The following SYNDIG1 variants were observed in gnomAD, a reference collection of about 807,000 sequenced individuals.
The protein encoded by SYNDIG1 is synapse differentiation-inducing gene protein 1.
SYNDIG1 carries 9 observed loss-of-function variants against 19.4 expected under a neutral mutation model. The ratio of observed to expected loss-of-function variants is 0.46; its 90% CI spans 0.28 to 0.81. The LOEUF is 0.81. Among genes scored for constraint, SYNDIG1 ranks in the 30% least tolerant of loss-of-function variants. SYNDIG1 has a pLI of 0.12. For missense variants in SYNDIG1, 311 were observed against 343.3 expected (o/e 0.91, Z 0.74); for synonymous variants, 141 against 145.9 (o/e 0.97, Z 0.24).
chr20:24,612,217 C>G (rs527523708), intron 3 of SYNDIG1, among the ~76,000 whole-genome samples: 1 of 152,340 alleles, frequency 6.6e-6, no homozygotes, highest in African/African-American at 2.4e-5. Context: ...CCTCCCAAGA[C>G]TTTTCTTTTC....
intron 1 of SYNDIG1, among the ~76,000 whole-genome samples, chr20:24,500,494 CTTTCT>C (rs2056417705): frequency 7.5e-6 from 1 of 133,294 alleles, no homozygotes; most frequent in Non-Finnish European, 1.6e-5. Flanking sequence ...TTCTTTCTTT[CTTTCT>C]TTCTTTCTTT....
intron 1 of SYNDIG1, among the ~76,000 whole-genome samples, chr20:24,530,419 G>T (rs531092918): frequency 6.6e-6 from 1 of 152,320 alleles, no homozygotes; most frequent in East Asian, 1.9e-4. Flanking sequence ...CCATTTAAAT[G>T]CTAAATAGTA....
At chr20:24,623,503 T>C (rs2059070844) in intron 3 of SYNDIG1, among the ~76,000 whole-genome samples, 1 of 152,326 alleles carries the variant, frequency 6.6e-6, no homozygotes, top group East Asian at 1.9e-4. Flanking sequence ...AAATAAAATA[T>C]TTTGTTTTTC....
At chr20:24,614,975 C>A (rs1265809663) in intron 3 of SYNDIG1, among the ~76,000 whole-genome samples, 2 of 152,222 alleles carry the variant, frequency 1.3e-5, no homozygotes, top group Non-Finnish European at 2.9e-5. Context: ...TCAAGCAATT[C>A]TGTTACCTTG....
At chr20:24,507,375 G>A (rs1023392352) in intron 1 of SYNDIG1, among the ~76,000 whole-genome samples, 4 of 152,330 alleles carry the variant, frequency 2.6e-5, no homozygotes, top group South Asian at 4.1e-4. Context: ...ATATTCTCAC[G>A]TGGTTCCTGA....
At chr20:24,502,957 C>T (rs897709889) in intron 1 of SYNDIG1, among the ~76,000 whole-genome samples, 5 of 152,162 alleles carry the variant, frequency 3.3e-5, no homozygotes, top group Admixed American at 6.5e-5. Flanking sequence ...TAAGTAGATA[C>T]GAACTTTGGC....
Position 24,543,387 on chromosome 20 carries a change from G to A in SYNDIG1, c.290G>A (p.Gly97Asp). 2 of 1,613,674 alleles carry A rather than the reference G, an allele frequency of 1.2e-6. No homozygotes were observed. The highest frequency in any genetic ancestry group is 1.7e-6 in the Non-Finnish European group (2 of 1,180,034). Residue 97 changes from glycine (G) to aspartate (D), a missense_variant, in exon 2 of 4, where the codon GGC becomes GAC. Gly to Asp is a moderately conservative substitution (Grantham distance 94, BLOSUM62 -1). Coordinates refer to ENST00000376862, the MANE Select transcript of SYNDIG1 (RefSeq NM_024893.3). ...YRPNIILYSE[G>D]VLRSWGDGVA... ...CCCAACATCATCCTCTATTCAGAGG[G>A]CGTGCTGCGCTCCTGGGGGGACGGT...
At chr20:24,595,016 A>G (rs1055360658) in intron 3 of SYNDIG1, among the ~76,000 whole-genome samples, 4 of 151,992 alleles carry the variant, frequency 2.6e-5, no homozygotes, top group Admixed American at 1.3e-4. Context: ...CTTTCTCTTG[A>G]CTGATTGTTC....
intron 3 of SYNDIG1, among the ~76,000 whole-genome samples, chr20:24,632,633 A>T (rs939059699): frequency 6.6e-6 from 1 of 152,246 alleles, no homozygotes; most frequent in Admixed American, 6.5e-5. Flanking sequence ...TCCCAGGACC[A>T]TAGGGGTCCC....
At chr20:24,516,961 A>G (rs1025454815) in intron 1 of SYNDIG1, among the ~76,000 whole-genome samples, 2 of 152,198 alleles carry the variant, frequency 1.3e-5, no homozygotes, top group African/African-American at 4.8e-5. Context: ...CTAGGGAATG[A>G]TATGCAGCCA....
intron 2 of SYNDIG1, among the ~76,000 whole-genome samples, chr20:24,583,273 C>T (rs889877327): frequency 6.6e-6 from 1 of 152,214 alleles, no homozygotes; most frequent in African/African-American, 2.4e-5. Flanking sequence ...AAGTGCTGCA[C>T]TCACGGGGTG....
chr20:24,621,667 A>G (rs1370276328), intron 3 of SYNDIG1, among the ~76,000 whole-genome samples: 1 of 152,098 alleles, frequency 6.6e-6, no homozygotes, highest in Non-Finnish European at 1.5e-5. Context: ...CCCCAGGCCA[A>G]CTATGCACTC....
intron 3 of SYNDIG1, among the ~76,000 whole-genome samples, chr20:24,650,369 A>G (rs2059458268): frequency 6.6e-6 from 1 of 152,260 alleles, no homozygotes; most frequent in Non-Finnish European, 1.5e-5. Context: ...TGGCCCATCC[A>G]GTTTGTGCTG....
At chr20:24,529,083 C>T (rs778060799) in intron 1 of SYNDIG1, among the ~76,000 whole-genome samples, 5 of 152,144 alleles carry the variant, frequency 3.3e-5, no homozygotes, top group African/African-American at 4.8e-5. Context: ...GGTGAGAATG[C>T]GTTCAAGGCT....
At chr20:24,608,722 A>G (rs1171259305) in intron 3 of SYNDIG1, among the ~76,000 whole-genome samples, 1 of 152,222 alleles carries the variant, frequency 6.6e-6, no homozygotes, top group Non-Finnish European at 1.5e-5. Context: ...CAAATAAGGC[A>G]ACAAGTACCT....
chr20:24,570,881 G>A (rs528044461), intron 2 of SYNDIG1, among the ~76,000 whole-genome samples: 8 of 152,216 alleles, frequency 5.3e-5, no homozygotes, highest in Non-Finnish European at 1.2e-4. Context: ...AAAAGCAAAT[G>A]CTCTTCATTT....
At chr20:24,501,786 A>G (rs1487180123) in intron 1 of SYNDIG1, among the ~76,000 whole-genome samples, 1 of 152,236 alleles carries the variant, frequency 6.6e-6, no homozygotes, top group East Asian at 1.9e-4. Flanking sequence ...AGAAGCACCC[A>G]CTTGTGGTGT....
intron 1 of SYNDIG1, among the ~76,000 whole-genome samples, chr20:24,488,572 C>A (rs990856952): frequency 2.0e-5 from 3 of 152,262 alleles, no homozygotes; most frequent in East Asian, 1.9e-4. Flanking sequence ...GGACAGAATT[C>A]TTTTGTCCTG....
At chr20:24,565,191 G>A (rs1325129293) in intron 2 of SYNDIG1, among the ~76,000 whole-genome samples, 1 of 152,170 alleles carries the variant, frequency 6.6e-6, no homozygotes, top group Non-Finnish European at 1.5e-5. Context: ...TTTTGGAAAG[G>A]TGAGAACCAC....
Sources: allele counts gnomAD v4.1 joint callset (sites outside exome capture counted in the v4.1 genomes callset), GRCh38; gene constraint gnomAD v4.1.1; transcripts MANE v1.5; gene names NCBI Gene and HGNC (gene_info 2026-07-23, HGNC 2026-07-21).